The following KIAA1217 variants were observed in gnomAD, a reference collection of about 807,000 sequenced individuals.
KIAA1217 encodes sickle tail protein homolog.
KIAA1217 carries 88 observed loss-of-function variants against 163.9 expected under a neutral mutation model. The ratio of observed to expected loss-of-function variants is 0.54; its 90% CI spans 0.45 to 0.64. The LOEUF (loss-of-function observed/expected upper bound fraction) is 0.64, where lower values mean the gene tolerates loss of function less well. KIAA1217 is among the 30% of genes least tolerant of loss of function. The pLI, the probability that KIAA1217 is intolerant of heterozygous loss-of-function variation, is 0.00. For missense variants in KIAA1217, 2,372 were observed against 2,475.0 expected (o/e 0.96, Z 0.88); for synonymous variants, 903 against 923.1 (o/e 0.98, Z 0.39).
chr10:24,477,691 C>T (rs35374310), intron 6 of KIAA1217, among the ~76,000 whole-genome samples: 10 of 152,160 alleles, frequency 6.6e-5, no homozygotes, highest in African/African-American at 2.4e-4. Context: ...ACTGCCCTAG[C>T]TAGTATATTA....
At chr10:23,751,316 C>T (rs1262275590) in intron 1 of KIAA1217, among the ~76,000 whole-genome samples, 2 of 152,164 alleles carry the variant, frequency 1.3e-5, no homozygotes, top group African/African-American at 4.8e-5. Flanking sequence ...GTGTGAGCCA[C>T]CGTGCCTGGC....
chr10:24,257,914 T>G (rs2075329478), intron 2 of KIAA1217, among the ~76,000 whole-genome samples: 1 of 152,204 alleles, frequency 6.6e-6, no homozygotes, highest in Non-Finnish European at 1.5e-5. Context: ...AGTCAGGTCC[T>G]GCCTCCTAAC....
chr10:23,741,998 A>G (rs900107419), intron 1 of KIAA1217, among the ~76,000 whole-genome samples: 3 of 152,072 alleles, frequency 2.0e-5, no homozygotes, highest in Non-Finnish European at 4.4e-5. Flanking sequence ...TAAAACCATC[A>G]CTCAATGCTC....
At chr10:24,227,162 A>G (rs1014449697) in intron 2 of KIAA1217, among the ~76,000 whole-genome samples, 1 of 150,844 alleles carries the variant, frequency 6.6e-6, no homozygotes, top group African/African-American at 2.4e-5. Flanking sequence ...TATTATTATT[A>G]TTATCATTAT....
At chr10:24,004,276 C>T (rs1016626546) in intron 1 of KIAA1217, among the ~76,000 whole-genome samples, 1 of 151,696 alleles carries the variant, frequency 6.6e-6, no homozygotes, top group Non-Finnish European at 1.5e-5. Flanking sequence ...AGCACCCGGC[C>T]GAGGGCTTTT....
rs571506640 is a variant in KIAA1217 at position 24,291,795 on chromosome 10, C to T, written c.354+71886C>T. On this transcript the variant is annotated intron_variant, in intron 2 of 20. Transcript: ENST00000376454. ...AAAAAAATCTAAGGATTACATTTCTCTTGCAGATTTTTTAGATCAATAGCT... is the reference window on the plus strand; with the variant it reads ...AAAAAAATCTAAGGATTACATTTCTTTTGCAGATTTTTTAGATCAATAGCT... Among the ~76,000 whole-genome samples the T allele has an allele frequency of 5.9e-5, 9 of 152,242 alleles. 1 individual carries two copies. The highest frequency in any genetic ancestry group is 2.1e-4 in the South Asian group (1 of 4,822).
At chr10:23,843,001 C>A (rs1013877375) in intron 1 of KIAA1217, among the ~76,000 whole-genome samples, 5 of 152,114 alleles carry the variant, frequency 3.3e-5, no homozygotes, top group African/African-American at 1.2e-4. Context: ...TAAAAGCAAA[C>A]ATCACTGGGC....
chr10:24,224,882 A>T (rs2070262698), intron 2 of KIAA1217, among the ~76,000 whole-genome samples: 1 of 137,332 alleles, frequency 7.3e-6, no homozygotes, highest in Non-Finnish European at 1.5e-5. Context: ...GCTGGAGTGC[A>T]GTGGCGCAGT....
intron 5 of KIAA1217, among the ~76,000 whole-genome samples, chr10:24,441,548 G>T (rs1341607452): frequency 1.3e-5 from 2 of 152,156 alleles, no homozygotes; most frequent in Non-Finnish European, 2.9e-5. Flanking sequence ...ATGCATGCTT[G>T]GTGGGGAAAA....
At chr10:24,392,827 A>G (rs1245416150) in intron 3 of KIAA1217, among the ~76,000 whole-genome samples, 1 of 152,220 alleles carries the variant, frequency 6.6e-6, no homozygotes, top group Non-Finnish European at 1.5e-5. Context: ...GTATGAGGAA[A>G]AAGATTTTGT....
rs2135497647 is a variant in KIAA1217 at position 24,544,021 on chromosome 10, C to T, written c.4751C>T (p.Ala1584Val). 1.2e-6 allele frequency: 2 copies of T among 1,614,142 alleles called. No homozygotes were observed. The highest frequency in any genetic ancestry group is 1.7e-6 in the Non-Finnish European group (2 of 1,180,036). Reference sequence around the variant, plus strand: ...AAATTCCCTAAGAAGCAACTCGCCGCTCTCACTCAAGCCATTCGCACCGGA... The same window carrying T: ...AAATTCCCTAAGAAGCAACTCGCCGTTCTCACTCAAGCCATTCGCACCGGA... ...KFKFPKKQLA[A>V]LTQAIRTGTK... is the part of the protein sequence containing the mutation. The change falls in exon 19 of 21, where the codon GCT (alanine) becomes GTT (valine). Residue 1584 changes from alanine (A) to valine (V), a missense_variant. This residue lies in a region of KIAA1217 where 690 missense variants were observed against 677.5 expected (regional missense o/e 1.02). Coordinates refer to ENST00000376454, the MANE Select transcript of KIAA1217 (RefSeq NM_019590.5).
At chr10:24,092,861 T>C (rs2061986732) in intron 2 of KIAA1217, among the ~76,000 whole-genome samples, 1 of 151,676 alleles carries the variant, frequency 6.6e-6, no homozygotes, top group Admixed American at 6.6e-5. Context: ...TCAGAATCCA[T>C]ATAACTCTAC....
rs142858673 is a variant in KIAA1217 at position 24,327,949 on chromosome 10, T to G, written c.355-52920T>G. Among the ~76,000 whole-genome samples the G allele has an allele frequency of 6.7e-3, 1,022 of 152,248 alleles. 38 individuals are homozygous for G. The highest frequency in any genetic ancestry group is 0.061 in the Admixed American group (931 of 15,280). ...TCTGGGTCTGATGTTCTGGGTCACC[T>G]CCTATATGCAGTCATGCTTCACCCT... On this transcript the variant is annotated intron_variant, in intron 2 of 20. Coordinates refer to ENST00000376454, the MANE Select transcript of KIAA1217 (RefSeq NM_019590.5).
intron 1 of KIAA1217, among the ~76,000 whole-genome samples, chr10:23,896,396 C>A (rs1841703566): frequency 6.6e-6 from 1 of 151,996 alleles, no homozygotes; most frequent in African/African-American, 2.4e-5. Flanking sequence ...TATTTGTAAT[C>A]TTTTCCTTCT....
At chr10:23,967,383 G>C (rs1845106521) in intron 1 of KIAA1217, among the ~76,000 whole-genome samples, 1 of 151,998 alleles carries the variant, frequency 6.6e-6, no homozygotes, top group Non-Finnish European at 1.5e-5. Flanking sequence ...AACAGAAGGA[G>C]ACATATTTGC....
Position 24,188,703 on chromosome 10 carries a change from A to G in KIAA1217, c.-170-30923A>G, listed in dbSNP as rs549475397. Among the ~76,000 whole-genome samples the G allele has an allele frequency of 5.9e-5, 9 of 152,258 alleles. No homozygotes were observed. In the South Asian group the frequency reaches 1.9e-3, roughly 32 times the overall value. ...TGTAACGTGTTTGTCCTTTTTCAGG[A>G]GTCAGCTATTGAAATCGTCTTTGTT... On this transcript the variant is annotated intron_variant, in intron 2 of 18. Transcript: ENST00000376462.
In KIAA1217 at chr10:23,776,589, T is replaced by G. The variant is rs1588776519; in HGVS notation, c.-321+81355T>G. On this transcript the variant is annotated intron_variant, in intron 1 of 18. Coordinates refer to the KIAA1217 transcript ENST00000376462. ...ATTAATGAAATCTAAAATTAATAAA[T>G]TCTATTATTTTTAAATGTATAGATA... Among the ~76,000 whole-genome samples, 3 of 151,492 alleles carry G rather than the reference T, an allele frequency of 2.0e-5. No homozygotes were observed. The East Asian group carries it at 5.8e-4, about 29-fold the overall frequency.
intron 2 of KIAA1217, among the ~76,000 whole-genome samples, chr10:24,296,043 T>G (rs1246372865): frequency 6.6e-6 from 1 of 152,194 alleles, no homozygotes; most frequent in Admixed American, 6.5e-5. Flanking sequence ...ACCTGTGAGC[T>G]TGCTCAAAAA....
chr10:24,349,062 A>C (rs1181560446), intron 2 of KIAA1217, among the ~76,000 whole-genome samples: 1 of 151,398 alleles, frequency 6.6e-6, no homozygotes, highest in Non-Finnish European at 1.5e-5. Context: ...CCAGGAGGTA[A>C]GGCTGCAATG....
Sources: gnomAD v4.1 joint callset for allele counts (sites outside exome capture counted in the v4.1 genomes callset) on GRCh38, gnomAD v4.1.1 for gene constraint, gnomAD v4.1.1 regional missense constraint, MANE v1.5 for transcripts, NCBI Gene and HGNC (gene_info 2026-07-23, HGNC 2026-07-21) for gene names.